SELENOW: variants seen among roughly 807,000 people sequenced by gnomAD.
SELENOW encodes the protein selenoprotein W.
SELENOW carries 20 observed loss-of-function variants against 16.6 expected under a neutral mutation model. The ratio of observed to expected loss-of-function variants is 1.21; its 90% CI spans 0.85 to 1.76. The LOEUF is 1.76. Ranked by LOEUF, SELENOW falls within the 40% of genes most tolerant of loss-of-function variation. The probability of loss-of-function intolerance (pLI) is 0.00; values close to 1 mark genes in which losing one functional copy is unlikely to be tolerated. For synonymous variants in SELENOW, 44 were observed against 46.2 expected (o/e 0.95, Z 0.19); for missense variants, 124 against 111.0 (o/e 1.12, Z -0.53).
intron 5 of SELENOW, chr19:47,782,697 T>G (rs1232523634): frequency 1.3e-5 from 2 of 152,076 alleles, no homozygotes; most frequent in Non-Finnish European, 2.9e-5. Context: ...CATGCCACTA[T>G]GCCCGGCTAA....
At chr19:47,783,164 G>C (rs1481116218) in intron 5 of SELENOW, 1 of 151,646 alleles carries the variant, frequency 6.6e-6, no homozygotes, top group African/African-American at 2.4e-5. Context: ...TCAGCCTCGT[G>C]AGTAGCTGGA....
Position 47,778,820 on chromosome 19 carries a change from CCCA to C in SELENOW, c.29+7_29+9del. On this transcript the variant is annotated splice_region_variant and intron_variant, in intron 1 of 5. Coordinates refer to ENST00000601048, the MANE Select transcript of SELENOW (RefSeq NM_003009.4). ...GCCGTCCGAGTCGTTTATTGGTAAG[CCCA>C]GCGGCCAGCGGCCCCCGTCCCCGAC... 4 of 1,601,992 alleles carry C rather than the reference CCCA, an allele frequency of 2.5e-6. No homozygotes were observed. The highest frequency in any genetic ancestry group is 1.7e-4 in the Middle Eastern group (1 of 6,010).
chr19:47,780,569 C>T, intron 1 of SELENOW, 156 bp from the exon 2 acceptor site: 1 of 655,968 alleles, frequency 1.5e-6, no homozygotes, highest in South Asian at 1.8e-5. Context: ...TTGAGGGCAT[C>T]TGTCACCTCT....
rs1967508527 is a variant in SELENOW, at chr19:47,784,359, C to CA, written c.*89dup. ...AGGAAGGACTGAAAAGTCTTGTGGA[C>CA]ACCTGGTCTTTCCCTGATGTTCTCG... On this transcript the variant is annotated 3_prime_UTR_variant, in exon 6 of 6. Coordinates refer to ENST00000601048, the MANE Select transcript of SELENOW (RefSeq NM_003009.4). 1 of 152,720 alleles carries CA rather than the reference C, an allele frequency of 6.5e-6. No homozygotes were observed. Among genetic ancestry groups the CA allele is most frequent in the Non-Finnish European group, 1.5e-5 (1 of 68,120 alleles). The allele number at this position is 152,720 out of a possible 1,614,324, so 9.5% of individuals were successfully genotyped here.
chr19:47,780,810 T>G (rs1327773812), intron 2 of SELENOW, 54 bp from the exon 3 acceptor site: 1 of 1,602,604 alleles, frequency 6.2e-7, no homozygotes, highest in Admixed American at 1.7e-5. Flanking sequence ...GAGTGCATAT[T>G]GGGAGGGGGC....
chr19:47,780,746 C>T lies in SELENOW; in HGVS notation c.51C>T (p.Ser17=), dbSNP rs541622697. The T allele has an allele frequency of 6.3e-5, 98 of 1,563,800 alleles. No individual in the cohort carries two copies. The East Asian group carries it at 2.1e-3, about 34-fold the overall frequency. Residue 17 remains serine (S), a synonymous_variant, in exon 2 of 6, where the codon TCC becomes TCT. Transcript: ENST00000601048. ...VVYCGAUGYK[S]KYLQLKKKLE... ...CCAGTGGCGCTTGAGGCTACAAGTCCAAGGTAAGCAGAGTGGATGCCCGGG... is the reference window on the plus strand; with the variant it reads ...CCAGTGGCGCTTGAGGCTACAAGTCTAAGGTAAGCAGAGTGGATGCCCGGG...
Position 47,781,112 on chromosome 19 carries a change from G to A in SELENOW, c.113G>A (p.Gly38Asp), listed in dbSNP as rs751024134. 16 of 1,613,568 alleles carry A rather than the reference G, an allele frequency of 9.9e-6. No homozygotes were observed. In the South Asian group the frequency reaches 1.8e-4, roughly 18 times the overall value. Residue 38 changes from glycine to aspartate, a missense_variant, in exon 4 of 6, where the codon GGC (glycine) becomes GAC (aspartate). Gly to Asp is a moderately conservative substitution (Grantham distance 94). Transcript: ENST00000601048. ...DEFPGRLDIC[G>D]EGTPQATGFF... is the part of the protein sequence containing the mutation. ...TCCCCTACCCCCTTTCCTCAGTGCGGCGAGGGAACTCCCCAGGCCACCGGG... is the reference window on the plus strand; with the variant it reads ...TCCCCTACCCCCTTTCCTCAGTGCGACGAGGGAACTCCCCAGGCCACCGGG...
chr19:47,778,734 G>C lies in SELENOW; in HGVS notation c.-52G>C. On this transcript the variant is annotated 5_prime_UTR_variant, in exon 1 of 6. Coordinates refer to ENST00000601048, the MANE Select transcript of SELENOW (RefSeq NM_003009.4). ...GCAGACCTAGCGCGTCCAGGTGGGA[G>C]GTTAGTGTGGCCCGGGCGTCCGCTC... The C allele has an allele frequency of 3.2e-6, 5 of 1,578,748 alleles. No homozygotes were observed. In the South Asian group the frequency reaches 4.6e-5, roughly 15 times the overall value.
intron 1 of SELENOW, chr19:47,780,396 C>T (rs1222476104): frequency 1.1e-5 from 5 of 446,206 alleles, no homozygotes; most frequent in East Asian, 4.5e-5. Flanking sequence ...CCCCCGTCCC[C>T]GTCTCTCGTA....
At chr19:47,780,490 CTG>C (rs951461966) in intron 1 of SELENOW, 3 of 575,946 alleles carry the variant, frequency 5.2e-6, no homozygotes, top group African/African-American at 3.8e-5. Flanking sequence ...CTGTGTGTCT[CTG>C]TGTGTCCCCG....
In SELENOW at chr19:47,781,126, C is replaced by G. The variant is rs1967470637; in HGVS notation, c.127C>G (p.Gln43Glu). The stretch of plus-strand genomic sequence containing the variant: ...TCCTCAGTGCGGCGAGGGAACTCCC[C>G]AGGCCACCGGGTTCTTTGAAGTGAT... Reference protein sequence around the residue: ...RLDICGEGTPQATGFFEVMVA... With the variant: ...RLDICGEGTPEATGFFEVMVA... The change falls in exon 4 of 6, where the codon CAG becomes GAG. Residue 43 changes from glutamine to glutamate, a missense_variant. Coordinates refer to ENST00000601048, the MANE Select transcript of SELENOW (RefSeq NM_003009.4). 6.2e-7 allele frequency: 1 copy of G among 1,613,710 alleles called. No individual in the cohort carries two copies. Among genetic ancestry groups the G allele is most frequent in the African/African-American group, 1.3e-5 (1 of 74,894 alleles).
Position 47,781,360 on chromosome 19 carries a change from C to G in SELENOW, c.254C>G (p.Ala85Gly). The G allele has an allele frequency of 3.1e-6, 5 of 1,599,416 alleles. No individual in the cohort carries two copies. The highest frequency in any genetic ancestry group is 4.3e-6 in the Non-Finnish European group (5 of 1,172,102). ...GTGGCCGCCATCAAAGCCGCCTTGG[C>G]TCAGGGCTAATGCGCCCTGAAGGCA... ...KLVAAIKAALAQG is the reference protein window; with the variant it reads ...KLVAAIKAALGQG Residue 85 changes from alanine to glycine, a missense_variant, in exon 5 of 6, where the codon GCT becomes GGT. Ala to Gly is a moderately conservative substitution (Grantham distance 60). Transcript: ENST00000601048.
At chr19:47,778,987 G>A (rs893956872) in intron 1 of SELENOW, 173 bp downstream of exon 1, 2 of 600,050 alleles carry the variant, frequency 3.3e-6, no homozygotes, top group Non-Finnish European at 5.7e-6. Flanking sequence ...GAGGGCGGTC[G>A]TCCCTAGGCC....
chr19:47,780,676 A>C, intron 1 of SELENOW, 49 bp from the exon 2 acceptor site: 1 of 1,525,252 alleles, frequency 6.6e-7, no homozygotes, highest in African/African-American at 1.4e-5. Context: ...CCGATCCCCC[A>C]CTTCTCCCTC....
At chr19:47,783,629 T>C (rs1670329707) in intron 5 of SELENOW, 1 of 152,214 alleles carries the variant, frequency 6.6e-6, no homozygotes, top group South Asian at 2.1e-4. Flanking sequence ...GCCAGAAAAC[T>C]AGTTTTCAAA....
intron 3 of SELENOW, 54 bp downstream of exon 3, chr19:47,780,971 T>C: frequency 6.3e-7 from 1 of 1,595,508 alleles, no homozygotes; most frequent in South Asian, 1.1e-5. Context: ...GTCGGTCCGT[T>C]AGGCCTGGAT....
intron 5 of SELENOW, among the ~76,000 whole-genome samples, chr19:47,781,767 C>T (rs937229807): frequency 8.1e-5 from 12 of 147,606 alleles, no homozygotes; most frequent in South Asian, 2.1e-4. Flanking sequence ...TGCAGGATGA[C>T]GGCTGAGATG....
In SELENOW at chr19:47,778,937, T is replaced by C. The variant is rs564179369; in HGVS notation, c.29+123T>C. The C allele has an allele frequency of 3.7e-3, 3,441 of 941,070 alleles. 24 individuals carry two copies. The highest frequency in any genetic ancestry group is 0.013 in the Middle Eastern group (49 of 3,850). 58.3% of individuals were successfully genotyped at this position (941,070 alleles called of 1,614,324 possible). ...CCCTTGTATGGGAAAAGGGAGCCCC[T>C]GTATGTGGGTGGGGTGGGCGTACGG... is the stretch of plus-strand genomic sequence containing the variant. On this transcript the variant is annotated intron_variant, in intron 1 of 5. Transcript: ENST00000601048.
intron 5 of SELENOW, chr19:47,782,413 AAC>A (rs1271278533): frequency 6.6e-6 from 1 of 152,112 alleles, no homozygotes; most frequent in Non-Finnish European, 1.5e-5. Flanking sequence ...ACCAGCTCCC[AAC>A]ACACTGTAAA....
Sources: gnomAD v4.1 joint callset for allele counts (sites outside exome capture counted in the v4.1 genomes callset) on GRCh38, gnomAD v4.1.1 for gene constraint, MANE v1.5 for transcripts, NCBI Gene and HGNC (gene_info 2026-07-23, HGNC 2026-07-21) for gene names.